The following GPC3 variants were observed in gnomAD, a reference collection of about 807,000 sequenced individuals.
GPC3 encodes the protein glypican 3, also known as glypican-3.
Under a neutral mutation model 34.4 loss-of-function variants are expected in GPC3, and 3 were observed. The observed-to-expected ratio is 0.09, with a 90% CI of 0.04 to 0.23. GPC3 has a LOEUF of 0.23. Among genes scored for constraint, GPC3 ranks in the 10% least tolerant of loss-of-function variants. The pLI is 1.00. For missense variants in GPC3, 351 were observed against 445.6 expected (o/e 0.79, Z 1.91); for synonymous variants, 177 against 174.0 (o/e 1.02, Z -0.13).
chrX:133,596,675 A>G, intron 6 of GPC3, 76 bp from the exon 7 acceptor site: 2 of 1,007,150 alleles, frequency 2.0e-6, no homozygotes, highest in South Asian at 3.8e-5. Flanking sequence ...TATTAACAGG[A>G]GGCATTAAAA....
intron 2 of GPC3, among the ~76,000 whole-genome samples, chrX:133,920,287 A>C (rs2076242557): frequency 8.9e-6 from 1 of 112,086 alleles, no homozygotes; most frequent in Admixed American, 9.5e-5. Context: ...GTAGTGGCAC[A>C]GACACCACAC....
At chrX:133,614,637 C>T (rs1423378069) in intron 6 of GPC3, among the ~76,000 whole-genome samples, 2 of 111,414 alleles carry the variant, frequency 1.8e-5, no homozygotes, top group Non-Finnish European at 3.8e-5. Flanking sequence ...TAAAAGGACA[C>T]TAGACAGTAA....
intron 3 of GPC3, among the ~76,000 whole-genome samples, chrX:133,716,894 C>T (rs771264119): frequency 4.0e-4 from 45 of 111,936 alleles, no homozygotes; most frequent in African/African-American, 1.4e-3. Context: ...ATCTTGAAAG[C>T]AGCAAGAGAG....
intron 2 of GPC3, among the ~76,000 whole-genome samples, chrX:133,878,405 C>G (rs757640394): frequency 9.1e-6 from 1 of 109,502 alleles, no homozygotes; most frequent in Admixed American, 9.7e-5. Flanking sequence ...CCAGCCTGGG[C>G]GACAAGAGTG....
chrX:133,678,965 T>C (rs17000465), intron 5 of GPC3, among the ~76,000 whole-genome samples: 7,403 of 111,841 alleles, frequency 0.066, 636 homozygotes, highest in African/African-American at 0.23. Flanking sequence ...ATTATATGTG[T>C]TTGAAAGTAA....
At chrX:133,738,857 G>A (rs1388805360) in intron 3 of GPC3, among the ~76,000 whole-genome samples, 1 of 111,649 alleles carries the variant, frequency 9.0e-6, no homozygotes, top group African/African-American at 3.3e-5. Context: ...ACATCTGGGG[G>A]ATATGATTGA....
intron 6 of GPC3, among the ~76,000 whole-genome samples, chrX:133,657,708 T>G (rs113079802): frequency 4.5e-5 from 5 of 111,523 alleles, no homozygotes; most frequent in African/African-American, 1.6e-4. Context: ...ACCATGGGAC[T>G]ATCAATATGA....
chrX:133,609,301 G>T (rs1481485157), intron 6 of GPC3, among the ~76,000 whole-genome samples: 2 of 112,286 alleles, frequency 1.8e-5, no homozygotes, highest in African/African-American at 6.5e-5. Context: ...GCGGGCCATT[G>T]GCAAGCCAAG....
At chrX:133,666,420 A>G (rs1010340967) in intron 5 of GPC3, among the ~76,000 whole-genome samples, 1 of 112,584 alleles carries the variant, frequency 8.9e-6, no homozygotes, top group African/African-American at 3.2e-5. Context: ...AGTGTTGGGA[A>G]TAGCTGCCCT....
intron 1 of GPC3, among the ~76,000 whole-genome samples, chrX:133,980,105 A>C (rs1390545838): frequency 8.9e-6 from 1 of 112,094 alleles, no homozygotes; most frequent in Non-Finnish European, 1.9e-5. Context: ...GATTTAAGAG[A>C]TGTCCTACAA....
chrX:133,965,624 G>A (rs2076460064), intron 1 of GPC3, among the ~76,000 whole-genome samples: 1 of 111,840 alleles, frequency 8.9e-6, no homozygotes, highest in Non-Finnish European at 1.9e-5. Flanking sequence ...AGGGCTGTGA[G>A]AGAATAAATT....
In GPC3 at chrX:133,751,679, A is replaced by C. The variant is rs958677926; in HGVS notation, c.1032+1803T>G. 4.5e-5 allele frequency among the ~76,000 whole-genome samples: 5 copies of C among 111,875 alleles called. No homozygotes were observed. The Admixed American group carries it at 4.7e-4, about 11-fold the overall frequency. ...TCCACCCTCCACATTTTGGATAAGCAATAGTTCAGAGTGCACAGCAGTTGC... is the reference window on the plus strand; with the variant it reads ...TCCACCCTCCACATTTTGGATAAGCCATAGTTCAGAGTGCACAGCAGTTGC... On this transcript the variant is annotated intron_variant, in intron 3 of 7. Coordinates refer to ENST00000370818, the MANE Select transcript of GPC3 (RefSeq NM_004484.4).
At chrX:133,886,058 C>T (rs2076060367) in intron 2 of GPC3, among the ~76,000 whole-genome samples, 1 of 111,450 alleles carries the variant, frequency 9.0e-6, no homozygotes, top group Non-Finnish European at 1.9e-5. Context: ...ATGAAATATG[C>T]TACACATATG....
At chrX:133,864,807 C>T (rs2075958780) in intron 2 of GPC3, among the ~76,000 whole-genome samples, 1 of 112,814 alleles carries the variant, frequency 8.9e-6, no homozygotes, top group Non-Finnish European at 1.9e-5. Flanking sequence ...ACACAACTCT[C>T]AAAGTGTGAA....
chrX:133,946,473 T>A (rs1221351411), intron 2 of GPC3, among the ~76,000 whole-genome samples: 1 of 111,275 alleles, frequency 9.0e-6, no homozygotes, highest in Non-Finnish European at 1.9e-5. Context: ...TTTTTATTCA[T>A]CTCTCTCCAA....
chrX:133,697,531 C>T (rs766485258), intron 4 of GPC3, among the ~76,000 whole-genome samples: 13 of 111,631 alleles, frequency 1.2e-4, no homozygotes, highest in Non-Finnish European at 2.1e-4. Flanking sequence ...AGGAGAGGGG[C>T]TATCTTCCCC....
intron 6 of GPC3, among the ~76,000 whole-genome samples, chrX:133,659,788 T>C (rs1481509812): frequency 8.9e-6 from 1 of 111,747 alleles, no homozygotes; most frequent in African/African-American, 3.3e-5. Context: ...AACTGAGATT[T>C]TGGCCTCACC....
chrX:133,912,619 G>C (rs1482202518), intron 2 of GPC3, among the ~76,000 whole-genome samples: 1 of 109,615 alleles, frequency 9.1e-6, no homozygotes. Flanking sequence ...GAAGGTGGGA[G>C]AATGACACTG....
At chrX:133,538,090 A>G (rs2069310811) in intron 7 of GPC3, among the ~76,000 whole-genome samples, 1 of 111,995 alleles carries the variant, frequency 8.9e-6, no homozygotes, top group Non-Finnish European at 1.9e-5. Flanking sequence ...TCTCTTACCC[A>G]GGGAGAAGCA....
Sources: gnomAD v4.1 joint callset for allele counts (sites outside exome capture counted in the v4.1 genomes callset) on GRCh38, gnomAD v4.1.1 for gene constraint, MANE v1.5 for transcripts, NCBI Gene and HGNC (gene_info 2026-07-23, HGNC 2026-07-21) for gene names.